The following PTPN22 variants were observed in gnomAD, a reference collection of about 807,000 sequenced individuals.
The protein encoded by PTPN22 is tyrosine-protein phosphatase non-receptor type 22.
In PTPN22, 85 loss-of-function variants were observed where a neutral mutation model predicts 103.3. That is an observed-to-expected ratio of 0.82 (90% CI 0.69 to 0.99). PTPN22 has a LOEUF of 0.99. PTPN22 is among the 50% of genes least tolerant of loss of function. The probability of loss-of-function intolerance (pLI) is 0.00; values close to 1 mark genes in which losing one functional copy is unlikely to be tolerated. For missense variants in PTPN22, 865 were observed against 936.9 expected (o/e 0.92, Z 1.00); for synonymous variants, 323 against 310.2 (o/e 1.04, Z -0.43).
intron 11 of PTPN22, among the ~76,000 whole-genome samples, chr1:113,846,750 T>A (rs1016163296): frequency 3.9e-5 from 6 of 152,174 alleles, no homozygotes; most frequent in African/African-American, 1.4e-4. Flanking sequence ...TGACAGTTAT[T>A]TTCTTTCAGC....
chr1:113,814,781 A>C, exon 21 of PTPN22: 1 of 792,582 alleles, frequency 1.3e-6, no homozygotes, highest in South Asian at 1.6e-5. Flanking sequence ...AAAGCTATTA[A>C]CACATTAGCA....
intron 13 of PTPN22, among the ~76,000 whole-genome samples, chr1:113,837,031 A>G (rs1040277219): frequency 2.6e-4 from 40 of 152,330 alleles, no homozygotes; most frequent in South Asian, 1.7e-3. Flanking sequence ...ATCCTGTACC[A>G]GATCTTGATT....
At chr1:113,834,825 T>A (rs1228241928) in intron 14 of PTPN22, 85 bp downstream of exon 14, 1 of 1,116,382 alleles carries the variant, frequency 9.0e-7, no homozygotes, top group Non-Finnish European at 1.3e-6. Flanking sequence ...GGCTCACACA[T>A]CAGCTTCCCA....
rs553203070 is a variant in PTPN22, at chr1:113,857,788, A to T, written c.370-12T>A. On this transcript the variant is annotated splice_polypyrimidine_tract_variant and intron_variant, in intron 4 of 20. Transcript: ENST00000359785. Reference sequence around the variant, plus strand: ...GCCATAACAATGATCTGGGGGATGAAATAGATAGAAACTTAAACATTCATA... The same window carrying T: ...GCCATAACAATGATCTGGGGGATGATATAGATAGAAACTTAAACATTCATA... The T allele has an allele frequency of 6.9e-6, 11 of 1,605,450 alleles. No homozygotes were observed. The African/African-American group carries it at 1.5e-4, about 22-fold the overall frequency.
chr1:113,849,594 A>T (rs75216627), intron 10 of PTPN22, among the ~76,000 whole-genome samples: 51,798 of 125,332 alleles, frequency 0.41, 10,276 homozygotes, highest in South Asian at 0.53. Context: ...TTATTTATTT[A>T]TTTTTTTTTT....
intron 1 of PTPN22, chr1:113,864,238 T>C (rs1413961611): frequency 2.2e-6 from 1 of 453,826 alleles, no homozygotes; most frequent in Admixed American, 2.4e-5. Flanking sequence ...CAGAAAGCTT[T>C]CTCTGGCCAG....
chr1:113,844,764 A>C (rs868009401), intron 11 of PTPN22, among the ~76,000 whole-genome samples: 2 of 152,296 alleles, frequency 1.3e-5, no homozygotes, highest in Middle Eastern at 3.4e-3. Flanking sequence ...TTTGATTTCC[A>C]AGGATTTGGA....
At chr1:113,849,657 G>A (rs139638945) in intron 10 of PTPN22, among the ~76,000 whole-genome samples, 107 of 150,590 alleles carry the variant, frequency 7.1e-4, no homozygotes, top group Non-Finnish European at 1.3e-3. Context: ...ATGCAATCTC[G>A]GCTTACTGCA....
chr1:113,822,065 A>G (rs1281016804), intron 19 of PTPN22, among the ~76,000 whole-genome samples: 1 of 152,208 alleles, frequency 6.6e-6, no homozygotes. Flanking sequence ...AAACCTGCCT[A>G]TGAATGAGTT....
chr1:113,871,756 C>T (rs192340860), upstream of PTPN22: 14 of 725,838 alleles, frequency 1.9e-5, no homozygotes, highest in Non-Finnish European at 3.1e-5. Context: ...GGTTTACTGA[C>T]TTCATCACAA....
Position 113,826,835 on chromosome 1 carries a change from A to G in PTPN22, c.2251-1663T>C, listed in dbSNP as rs1662119987. Among the ~76,000 whole-genome samples, 4 of 150,528 alleles carry G rather than the reference A, an allele frequency of 2.7e-5. No homozygotes were observed. The South Asian group carries it at 8.5e-4, about 32-fold the overall frequency. ...CAGGCGCCCGCCACTACGCCCGGCTAATTTTTTGTATTTTTAGTAGAGACG... is the reference window on the plus strand; with the variant it reads ...CAGGCGCCCGCCACTACGCCCGGCTGATTTTTTGTATTTTTAGTAGAGACG... On this transcript the variant is annotated intron_variant, in intron 18 of 20. Coordinates refer to ENST00000359785, the Ensembl canonical transcript of PTPN22.
At chr1:113,822,389 T>A (rs1393141662) in intron 19 of PTPN22, among the ~76,000 whole-genome samples, 1 of 152,204 alleles carries the variant, frequency 6.6e-6, no homozygotes, top group East Asian at 1.9e-4. Flanking sequence ...TAAAACCCTT[T>A]TATGGATTCC....
chr1:113,845,825 A>G (rs1664009636), intron 11 of PTPN22, among the ~76,000 whole-genome samples: 3 of 152,196 alleles, frequency 2.0e-5, no homozygotes, highest in Admixed American at 2.0e-4. Context: ...TTTGGTCTAT[A>G]TACATTTAGG....
exon 13 of PTPN22, chr1:113,838,151 A>G: frequency 1.9e-6 from 3 of 1,614,150 alleles, no homozygotes; most frequent in Non-Finnish European, 2.5e-6. Flanking sequence ...AGAGAGCCCA[A>G]ATCCAAACTT....
At chr1:113,823,602 C>T (rs1453225688) in intron 19 of PTPN22, 1 of 152,216 alleles carries the variant, frequency 6.6e-6, no homozygotes, top group Non-Finnish European at 1.5e-5. Flanking sequence ...ACCTTCAAAG[C>T]TGTGCCAACC....
chr1:113,838,156 A>C (rs1326181010), exon 13 of PTPN22: 19 of 1,614,042 alleles, frequency 1.2e-5, no homozygotes, highest in Non-Finnish European at 1.5e-5. Context: ...GCCCAAATCC[A>C]AACTTTGATG....
intron 16 of PTPN22, among the ~76,000 whole-genome samples, chr1:113,832,248 C>G (rs922371112): frequency 6.6e-6 from 1 of 151,854 alleles, no homozygotes; most frequent in Non-Finnish European, 1.5e-5. Context: ...TGTGCAGTGG[C>G]GCAATCTCAG....
chr1:113,853,391 C>A, intron 9 of PTPN22, among the ~76,000 whole-genome samples: 1 of 133,228 alleles, frequency 7.5e-6, no homozygotes, highest in Non-Finnish European at 1.6e-5. Flanking sequence ...ACTTTTGTTG[C>A]CCAAGCTGGA....
At chr1:113,838,342 G>A (rs1257098115) in exon 13 of PTPN22, 4 of 1,603,524 alleles carry the variant, frequency 2.5e-6, no homozygotes, top group East Asian at 2.2e-5. Flanking sequence ...AAAGTCAAAG[G>A]AAGAAGATTC....
Sources: allele counts gnomAD v4.1 joint callset (sites outside exome capture counted in the v4.1 genomes callset), GRCh38; gene constraint gnomAD v4.1.1; transcripts MANE v1.5; gene names NCBI Gene and HGNC (gene_info 2026-07-23, HGNC 2026-07-21).